PRKAR1B: variants seen among roughly 807,000 people sequenced by gnomAD.
PRKAR1B encodes the protein protein kinase cAMP-dependent type I regulatory subunit beta.
In PRKAR1B, 22 loss-of-function variants were observed where a neutral mutation model predicts 46.5. The ratio of observed to expected loss-of-function variants is 0.47; its 90% CI spans 0.34 to 0.68. The LOEUF (loss-of-function observed/expected upper bound fraction) is 0.68. PRKAR1B is among the 30% of genes least tolerant of loss of function. PRKAR1B has a pLI of 0.01. For missense variants in PRKAR1B, 445 were observed against 535.6 expected, an observed-to-expected ratio of 0.83 and a Z score of 1.67; for synonymous variants, 259 against 217.7, an observed-to-expected ratio of 1.19 and a Z score of -1.67.
At chr7:650,174 CTGTGCAGGCAGGACCCAGG>C (rs1031211762) in intron 4 of PRKAR1B, among the ~76,000 whole-genome samples, 1 of 152,138 alleles carries the variant, frequency 6.6e-6, no homozygotes, top group African/African-American at 2.4e-5. Flanking sequence ...TGACTGCAAT[CTGTGCAGGCAGGACCCAGG>C]TGTGTGAGTG....
chr7:565,181 G>A (rs1779053391), intron 9 of PRKAR1B: 1 of 152,272 alleles, frequency 6.6e-6, no homozygotes, highest in African/African-American at 2.4e-5. Flanking sequence ...ACGCACTCTT[G>A]GATGCTGAAG....
At chr7:690,028 G>T (rs1433272501) in intron 2 of PRKAR1B, among the ~76,000 whole-genome samples, 1 of 151,268 alleles carries the variant, frequency 6.6e-6, no homozygotes, top group Non-Finnish European at 1.5e-5. Flanking sequence ...AGGCACGGTG[G>T]GCTCACGTCT....
At chr7:704,415 G>C (rs1381763479) in intron 2 of PRKAR1B, among the ~76,000 whole-genome samples, 2 of 152,110 alleles carry the variant, frequency 1.3e-5, no homozygotes, top group African/African-American at 4.8e-5. Flanking sequence ...ACATTAAAAG[G>C]ATGAGGTAAT....
chr7:641,550 C>T (rs1583344342), intron 4 of PRKAR1B, among the ~76,000 whole-genome samples: 1 of 152,124 alleles, frequency 6.6e-6, no homozygotes, highest in Non-Finnish European at 1.5e-5. Context: ...CAGATGACGC[C>T]GTATTGTTCA....
At chr7:579,100 A>C (rs1780032219) in intron 9 of PRKAR1B, 156 bp downstream of exon 9, 1 of 985,498 alleles carries the variant, frequency 1.0e-6, no homozygotes, top group African/African-American at 1.7e-5. Flanking sequence ...GTGAGGCCAC[A>C]GACCACCCAC....
At chr7:562,030 C>T in intron 9 of PRKAR1B, 1 of 152,582 alleles carries the variant, frequency 6.6e-6, no homozygotes, top group Non-Finnish European at 1.5e-5. Flanking sequence ...CCCGGCGCGG[C>T]CGGGGGGTGG....
At chr7:662,915 T>A (rs1176924257) in intron 4 of PRKAR1B, among the ~76,000 whole-genome samples, 1 of 152,204 alleles carries the variant, frequency 6.6e-6, no homozygotes, top group Non-Finnish European at 1.5e-5. Context: ...AGCACCACCC[T>A]GTTCATCACC....
intron 4 of PRKAR1B, among the ~76,000 whole-genome samples, chr7:618,459 GT>G (rs2128472584): frequency 6.6e-6 from 1 of 152,280 alleles, no homozygotes; most frequent in African/African-American, 2.4e-5. Flanking sequence ...TCGTTTGTAT[GT>G]TTTCTCTTAA....
chr7:577,441 G>A (rs9718345), intron 9 of PRKAR1B, among the ~76,000 whole-genome samples: 21,059 of 151,964 alleles, frequency 0.14, 1,502 homozygotes, highest in Admixed American at 0.15. Flanking sequence ...ATGCAAGCGT[G>A]AGATCCTGCT....
At position 602,089 on chromosome 7, in the gene PRKAR1B, G is replaced by A. The variant is rs983210784; in HGVS notation, c.549+4104C>T. Among the ~76,000 whole-genome samples, 11 of 152,144 alleles carry A rather than the reference G, an allele frequency of 7.2e-5. No individual in the cohort carries two copies. The highest frequency in any genetic ancestry group is 1.3e-4 in the Non-Finnish European group (9 of 68,032). On this transcript the variant is annotated intron_variant, in intron 6 of 10. Transcript: ENST00000537384. The surrounding 1 kb of genome is among the most constrained non-coding windows in gnomAD (Gnocchi z 6.4). ...GCCAGGCAGGACGCCACGACGCGTC[G>A]TGTCTGAGAGAAAACCGTCTCCCCT...
chr7:668,600 C>T (rs1027728424), intron 4 of PRKAR1B, among the ~76,000 whole-genome samples: 2 of 152,182 alleles, frequency 1.3e-5, no homozygotes, highest in African/African-American at 4.8e-5. Flanking sequence ...CCATCTGCTT[C>T]CTCTGTTTCT....
At chr7:671,203 C>T (rs1228430123) in intron 4 of PRKAR1B, among the ~76,000 whole-genome samples, 2 of 152,176 alleles carry the variant, frequency 1.3e-5, no homozygotes, top group Admixed American at 6.5e-5. Context: ...CATCGAGCTC[C>T]GCAGAATTCA....
chr7:690,055 G>A (rs1012530076), intron 2 of PRKAR1B, among the ~76,000 whole-genome samples: 9 of 151,608 alleles, frequency 5.9e-5, no homozygotes, highest in Admixed American at 3.9e-4. Context: ...CCAGCACTTC[G>A]GGAGGCCAAG....
At chr7:682,541 C>T (rs1389937791) in intron 2 of PRKAR1B, among the ~76,000 whole-genome samples, 3 of 151,878 alleles carry the variant, frequency 2.0e-5, no homozygotes, top group African/African-American at 4.8e-5. Context: ...GTCAGGAGAT[C>T]GAGACCATCT....
At chr7:588,843 A>G (rs1780802494) in intron 7 of PRKAR1B, among the ~76,000 whole-genome samples, 1 of 6,588 alleles carries the variant, frequency 1.5e-4, no homozygotes, top group Non-Finnish European at 3.4e-4. Context: ...GGTGATGGTA[A>G]TGGTGGTGAT....
chr7:663,423 G>C (rs1785724498), intron 4 of PRKAR1B, among the ~76,000 whole-genome samples: 1 of 152,098 alleles, frequency 6.6e-6, no homozygotes, highest in African/African-American at 2.4e-5. Flanking sequence ...GGAGGGTAGA[G>C]ATGGGGTCTT....
chr7:551,885 C>T (rs1466396043), intron 9 of PRKAR1B, among the ~76,000 whole-genome samples: 1 of 129,040 alleles, frequency 7.7e-6, no homozygotes, highest in Non-Finnish European at 1.6e-5. Context: ...CCCCACCTCC[C>T]GCCCAGGTCC....
intron 2 of PRKAR1B, among the ~76,000 whole-genome samples, chr7:685,929 G>C (rs1779072596): frequency 6.6e-6 from 1 of 152,190 alleles, no homozygotes; most frequent in South Asian, 2.1e-4. Context: ...AAAATGAAAA[G>C]TTCAGATAAC....
chr7:650,703 G>A (rs566966531), intron 4 of PRKAR1B, among the ~76,000 whole-genome samples: 1 of 152,380 alleles, frequency 6.6e-6, no homozygotes, highest in Non-Finnish European at 1.5e-5. Flanking sequence ...TTCAAGGACA[G>A]AGGGAACAGG....
Sources: gnomAD v4.1 joint callset for allele counts (sites outside exome capture counted in the v4.1 genomes callset) on GRCh38, gnomAD v4.1.1 for gene constraint, Gnocchi (gnomAD v3.1) non-coding constraint, MANE v1.5 for transcripts, NCBI Gene and HGNC (gene_info 2026-07-23, HGNC 2026-07-21) for gene names.